LTBP1: variants seen among roughly 807,000 people sequenced by gnomAD.
LTBP1 encodes latent transforming growth factor beta binding protein 1, also known as latent-transforming growth factor beta-binding protein 1.
A neutral mutation model predicts 207.6 loss-of-function variants in LTBP1; 129 were observed. The ratio of observed to expected loss-of-function variants is 0.62; its 90% CI spans 0.54 to 0.72. LTBP1 has a LOEUF of 0.72. Among genes scored for constraint, LTBP1 ranks in the 30% least tolerant of loss-of-function variants. LTBP1 has a pLI of 0.00. For synonymous variants in LTBP1, 963 were observed against 833.7 expected (o/e 1.16, Z -2.67); for missense variants, 2,281 against 2,217.2 (o/e 1.03, Z -0.58).
intron 2 of LTBP1, among the ~76,000 whole-genome samples, chr2:32,993,225 G>A (rs573355194): frequency 1.4e-4 from 21 of 152,126 alleles, no homozygotes; most frequent in African/African-American, 5.1e-4. Context: ...CCTGCACTTT[G>A]GCGTGGGTAT....
At chr2:33,101,191 C>T (rs2079712430) in intron 3 of LTBP1, among the ~76,000 whole-genome samples, 1 of 152,120 alleles carries the variant, frequency 6.6e-6, no homozygotes, top group African/African-American at 2.4e-5. Flanking sequence ...ACAGCTGACC[C>T]TAGGATTGCT....
chr2:33,273,710 A>G lies in LTBP1; in HGVS notation c.2672A>G (p.Asn891Ser). ...PDICGAGHCI[N>S]LPVRYTCICY... is the part of the protein sequence containing the mutation. Reference sequence around the variant, plus strand: ...ATCTGTGGAGCAGGACACTGCATTAACCTACCAGTGAGATATACCTGTATA... The same window carrying G: ...ATCTGTGGAGCAGGACACTGCATTAGCCTACCAGTGAGATATACCTGTATA... Residue 891 changes from asparagine to serine, a missense_variant, in exon 16 of 34, where the codon AAC becomes AGC. Asn to Ser is a conservative substitution (Grantham distance 46). Transcript: ENST00000404816. 1 of 1,611,192 alleles carries G rather than the reference A, an allele frequency of 6.2e-7. No individual in the cohort carries two copies. The highest frequency in any genetic ancestry group is 2.2e-5 in the East Asian group (1 of 44,746).
intron 9 of LTBP1, among the ~76,000 whole-genome samples, chr2:33,227,317 G>C (rs926406877): frequency 6.6e-6 from 1 of 152,142 alleles, no homozygotes; most frequent in African/African-American, 2.4e-5. Flanking sequence ...GTGAGCCACT[G>C]TGCCTGGCCT....
intron 26 of LTBP1, among the ~76,000 whole-genome samples, chr2:33,356,623 C>T (rs2094864991): frequency 6.6e-6 from 1 of 152,098 alleles, no homozygotes; most frequent in South Asian, 2.1e-4. Context: ...GCACTCCAGC[C>T]TGGGCAACAG....
chr2:33,178,932 G>C (rs909746179), intron 5 of LTBP1, among the ~76,000 whole-genome samples: 10 of 152,104 alleles, frequency 6.6e-5, no homozygotes, highest in South Asian at 4.2e-4. Flanking sequence ...TTAGAGATGG[G>C]GTCTCACTGT....
chr2:32,958,687 G>T (rs921174944), intron 2 of LTBP1, among the ~76,000 whole-genome samples: 9 of 152,174 alleles, frequency 5.9e-5, no homozygotes, highest in Non-Finnish European at 1.0e-4. Context: ...ACTATAGAAA[G>T]AATTCTTTTT....
At chr2:33,178,459 C>T (rs917030831) in intron 5 of LTBP1, among the ~76,000 whole-genome samples, 9 of 152,146 alleles carry the variant, frequency 5.9e-5, no homozygotes, top group Non-Finnish European at 1.2e-4. Flanking sequence ...GATAGCGCTT[C>T]GTATCTCCTG....
At chr2:32,981,386 T>G (rs1228723248) in intron 2 of LTBP1, among the ~76,000 whole-genome samples, 3 of 152,228 alleles carry the variant, frequency 2.0e-5, no homozygotes, top group African/African-American at 7.2e-5. Context: ...GTAAATTGTA[T>G]TTCTATGTAT....
At chr2:32,963,437 C>T (rs2148465682) in intron 2 of LTBP1, among the ~76,000 whole-genome samples, 1 of 152,040 alleles carries the variant, frequency 6.6e-6, no homozygotes. Context: ...TCTTGAACTC[C>T]TGGCTTCAAG....
chr2:33,089,493 A>G (rs1260614336), intron 3 of LTBP1, among the ~76,000 whole-genome samples: 2 of 152,186 alleles, frequency 1.3e-5, no homozygotes, highest in African/African-American at 4.8e-5. Context: ...GAGGCCACCA[A>G]TGCTGCCAAT....
At chr2:33,090,443 C>G (rs1268011444) in intron 3 of LTBP1, among the ~76,000 whole-genome samples, 6 of 152,116 alleles carry the variant, frequency 3.9e-5, no homozygotes, top group Non-Finnish European at 8.8e-5. Flanking sequence ...AGTGCTATCT[C>G]AAGTGTAGTT....
chr2:32,951,642 A>AT (rs1199178652), intron 2 of LTBP1, among the ~76,000 whole-genome samples: 1 of 152,084 alleles, frequency 6.6e-6, no homozygotes, highest in Non-Finnish European at 1.5e-5. Context: ...TCTGGCCTGT[A>AT]TTTTCCCACT....
intron 2 of LTBP1, among the ~76,000 whole-genome samples, chr2:32,950,519 A>G (rs1167998503): frequency 6.7e-6 from 1 of 148,300 alleles, no homozygotes; most frequent in Non-Finnish European, 1.5e-5. Context: ...AGATCGCTCC[A>G]CTGCACTCCA....
Position 33,031,100 on chromosome 2 carries a change from T to G in LTBP1, c.863+9894T>G, listed in dbSNP as rs751104933. Reference sequence around the variant, plus strand: ...AAAAATATTATTAGTACTCTGGTTTTTTTTATGCTCAAATTTGGAAGAAAC... The same window carrying G: ...AAAAATATTATTAGTACTCTGGTTTGTTTTATGCTCAAATTTGGAAGAAAC... On this transcript the variant is annotated intron_variant, in intron 3 of 33. Coordinates refer to ENST00000404816, the MANE Select transcript of LTBP1 (RefSeq NM_206943.4). 4.5e-4 allele frequency among the ~76,000 whole-genome samples: 68 copies of G among 152,212 alleles called. 1 individual carries two copies. Among genetic ancestry groups the G allele is most frequent in the South Asian group, 1.0e-3 (5 of 4,828 alleles).
At chr2:33,313,904 G>A (rs576634877) in intron 23 of LTBP1, among the ~76,000 whole-genome samples, 1 of 152,170 alleles carries the variant, frequency 6.6e-6, no homozygotes, top group Non-Finnish European at 1.5e-5. Context: ...GCATGTATCA[G>A]AACCATTGTG....
chr2:33,348,188 G>A (rs2094729446), intron 26 of LTBP1, among the ~76,000 whole-genome samples: 1 of 152,110 alleles, frequency 6.6e-6, no homozygotes, highest in Non-Finnish European at 1.5e-5. Flanking sequence ...TGAGAGCCAA[G>A]TAAAATGAAA....
chr2:33,210,458 T>G (rs1340351775), intron 7 of LTBP1, among the ~76,000 whole-genome samples: 1 of 152,214 alleles, frequency 6.6e-6, no homozygotes, highest in Non-Finnish European at 1.5e-5. Context: ...TATAAAAACA[T>G]TATCTCTTTC....
At chr2:33,253,698 A>G (rs11691887) in intron 11 of LTBP1, among the ~76,000 whole-genome samples, 20,106 of 152,082 alleles carry the variant, frequency 0.13, 1,965 homozygotes, top group African/African-American at 0.28. Context: ...AACTTACACC[A>G]TAGCAGACAA....
intron 20 of LTBP1, among the ~76,000 whole-genome samples, chr2:33,295,220 A>G (rs2093851356): frequency 6.6e-6 from 1 of 152,078 alleles, no homozygotes; most frequent in Admixed American, 6.6e-5. Context: ...ATCAATGTAT[A>G]CGAACTCTTT....
Sources: gnomAD v4.1 joint callset for allele counts (sites outside exome capture counted in the v4.1 genomes callset) on GRCh38, gnomAD v4.1.1 for gene constraint, MANE v1.5 for transcripts, NCBI Gene and HGNC (gene_info 2026-07-23, HGNC 2026-07-21) for gene names.